HORMAD2: variants seen among roughly 807,000 people sequenced by gnomAD.
HORMAD2 encodes the protein HORMA domain-containing protein 2.
HORMAD2 carries 45 observed loss-of-function variants against 38.8 expected under a neutral mutation model. The observed-to-expected ratio is 1.16, with a 90% confidence interval of 0.91 to 1.49. The LOEUF (loss-of-function observed/expected upper bound fraction) is 1.49, where lower values mean the gene tolerates loss of function less well. Among genes scored for constraint, HORMAD2 ranks in the 40% most tolerant of loss-of-function variants. HORMAD2 has a pLI of 0.00. For missense variants in HORMAD2, 338 were observed against 367.0 expected, an observed-to-expected ratio of 0.92 and a Z score of 0.65; for synonymous variants, 126 against 122.8, an observed-to-expected ratio of 1.03 and a Z score of -0.17.
chr22:30,082,845 A>C (rs1261642385), intron 1 of HORMAD2, among the ~76,000 whole-genome samples: 2 of 151,522 alleles, frequency 1.3e-5, no homozygotes, highest in Non-Finnish European at 2.9e-5. Context: ...ACACAACAAC[A>C]AAAAAAATAG....
chr22:30,083,680 A>G (rs181031262), intron 1 of HORMAD2, among the ~76,000 whole-genome samples: 4 of 152,200 alleles, frequency 2.6e-5, no homozygotes, highest in East Asian at 1.9e-4. Context: ...CAATGGTGCA[A>G]TCTCGGCTCA....
the HORMAD2 span, among the ~76,000 whole-genome samples, chr22:30,185,313 G>A: frequency 6.6e-6 from 1 of 152,142 alleles, no homozygotes; most frequent in Non-Finnish European, 1.5e-5. Flanking sequence ...GAGCTTCGTC[G>A]GAACCTAGTT....
At chr22:30,126,960 G>A (rs1437243249) in intron 10 of HORMAD2, among the ~76,000 whole-genome samples, 1 of 151,900 alleles carries the variant, frequency 6.6e-6, no homozygotes, top group Non-Finnish European at 1.5e-5. Flanking sequence ...TAATGAAGAG[G>A]AGCACCTTTT....
chr22:30,185,326 T>C, the HORMAD2 span, among the ~76,000 whole-genome samples: 2 of 152,246 alleles, frequency 1.3e-5, no homozygotes, highest in Non-Finnish European at 2.9e-5. Context: ...ACCTAGTTTA[T>C]GCTTAACTGA....
chr22:30,109,858 T>A (rs1240541553), intron 5 of HORMAD2, among the ~76,000 whole-genome samples: 1 of 152,210 alleles, frequency 6.6e-6, no homozygotes, highest in East Asian at 1.9e-4. Context: ...AATTATTTTG[T>A]ATACCTTTTG....
At chr22:30,187,751 A>G in the HORMAD2 span, among the ~76,000 whole-genome samples, 1 of 152,080 alleles carries the variant, frequency 6.6e-6, no homozygotes, top group Non-Finnish European at 1.5e-5. Context: ...CTGCCCTGAA[A>G]ATGGGCCAAA....
chr22:30,142,664 A>T (rs190964140), intron 10 of HORMAD2, among the ~76,000 whole-genome samples: 35 of 152,220 alleles, frequency 2.3e-4, no homozygotes, highest in African/African-American at 7.2e-4. Flanking sequence ...TGCTTAATCC[A>T]TTCATGTTTA....
At chr22:30,134,871 C>A (rs1242214510) in intron 10 of HORMAD2, among the ~76,000 whole-genome samples, 1 of 151,968 alleles carries the variant, frequency 6.6e-6, no homozygotes, top group East Asian at 1.9e-4. Context: ...GAGAAACAAA[C>A]AAATAGCTAT....
chr22:30,101,226 A>G (rs1379195879), intron 3 of HORMAD2, among the ~76,000 whole-genome samples: 3 of 152,242 alleles, frequency 2.0e-5, no homozygotes, highest in Admixed American at 6.5e-5. Context: ...AATGTGGCAC[A>G]TATACATCAT....
intron 10 of HORMAD2, among the ~76,000 whole-genome samples, chr22:30,158,013 A>G (rs561036843): frequency 8.3e-4 from 126 of 152,294 alleles, no homozygotes; most frequent in African/African-American, 2.3e-3. Context: ...ACACATATGT[A>G]ATATTCCATG....
At chr22:30,079,758 C>A (rs1457029919), upstream of HORMAD2, among the ~76,000 whole-genome samples, 1 of 152,338 alleles carries the variant, frequency 6.6e-6, no homozygotes, top group African/African-American at 2.4e-5. Flanking sequence ...CGGCTCACTG[C>A]AACCTCAGCC....
At chr22:30,118,171 C>A (rs1160469425) in intron 7 of HORMAD2, among the ~76,000 whole-genome samples, 1 of 152,136 alleles carries the variant, frequency 6.6e-6, no homozygotes, top group East Asian at 1.9e-4. Flanking sequence ...GAATGAAATC[C>A]AAACCCCTTA....
At chr22:30,186,899 A>C in the HORMAD2 span, among the ~76,000 whole-genome samples, 1 of 130,908 alleles carries the variant, frequency 7.6e-6, no homozygotes. Context: ...CGACCAAAGA[A>C]GGGGTTGGGG....
intron 7 of HORMAD2, among the ~76,000 whole-genome samples, chr22:30,113,772 A>G (rs1279699790): frequency 4.6e-5 from 7 of 152,178 alleles, no homozygotes; most frequent in Non-Finnish European, 2.9e-5. Context: ...AGACTAAATT[A>G]TGCATTTTTG....
At chr22:30,120,261 G>A (rs1484699626) in intron 8 of HORMAD2, among the ~76,000 whole-genome samples, 1 of 152,168 alleles carries the variant, frequency 6.6e-6, no homozygotes, top group Non-Finnish European at 1.5e-5. Flanking sequence ...GTGTCCTGGA[G>A]GCTCCCATGA....
At chr22:30,095,838 C>T (rs762192051) in intron 2 of HORMAD2, among the ~76,000 whole-genome samples, 4 of 151,988 alleles carry the variant, frequency 2.6e-5, no homozygotes, top group Non-Finnish European at 4.4e-5. Context: ...CATAGGTGTA[C>T]AACTAAATGA....
rs564884589 is a variant in HORMAD2, at chr22:30,124,765, A to C, written c.819+2551A>C. On this transcript the variant is annotated intron_variant, in intron 10 of 10. Coordinates refer to ENST00000336726, the MANE Select transcript of HORMAD2 (RefSeq NM_152510.4). ...AACATTCATGTACATACCTCCTGGT[A>C]CACCTGTCAAAGAGTGTCTCTTGGG... Among the ~76,000 whole-genome samples the C allele has an allele frequency of 5.3e-5, 8 of 152,320 alleles. No individual in the cohort carries two copies. In the South Asian group the frequency reaches 1.4e-3, roughly 28 times the overall value.
chr22:30,185,113 C>G, the HORMAD2 span, among the ~76,000 whole-genome samples: 2 of 152,302 alleles, frequency 1.3e-5, no homozygotes, highest in Admixed American at 1.3e-4. Flanking sequence ...TACTCTAAAT[C>G]TGGCACAGTA....
At chr22:30,113,804 C>T (rs1017347671) in intron 7 of HORMAD2, among the ~76,000 whole-genome samples, 2 of 152,104 alleles carry the variant, frequency 1.3e-5, no homozygotes, top group African/African-American at 4.8e-5. Context: ...TCTTTCTTTG[C>T]AAGATGACAT....
Sources: gnomAD v4.1 joint callset for allele counts (sites outside exome capture counted in the v4.1 genomes callset) on GRCh38, gnomAD v4.1.1 for gene constraint, MANE v1.5 for transcripts, NCBI Gene and HGNC (gene_info 2026-07-23, HGNC 2026-07-21) for gene names.